Variants in ABHD2 observed in about 807,000 individuals in gnomAD.
The protein encoded by ABHD2 is monoacylglycerol lipase ABHD2.
In ABHD2, 20 loss-of-function variants were observed where a neutral mutation model predicts 48.1. That is an observed-to-expected ratio of 0.42 (90% CI 0.29 to 0.60). The LOEUF (loss-of-function observed/expected upper bound fraction) is 0.60, where lower values mean the gene tolerates loss of function less well. ABHD2 is among the 20% of genes least tolerant of loss of function. ABHD2 has a pLI of 0.24. For missense variants in ABHD2, 405 were observed against 550.9 expected (o/e 0.74, Z 2.65); for synonymous variants, 209 against 214.2 (o/e 0.98, Z 0.21).
chr15:89,081,262 C>G, the ABHD2 span, among the ~76,000 whole-genome samples: 3 of 150,146 alleles, frequency 2.0e-5, no homozygotes, highest in East Asian at 3.9e-4. Context: ...TCAAGCAATC[C>G]TCTTGCCTCT....
At chr15:89,041,710 C>T in the ABHD2 span, among the ~76,000 whole-genome samples, 3 of 152,320 alleles carry the variant, frequency 2.0e-5, no homozygotes, top group Admixed American at 1.3e-4. Flanking sequence ...ACTCTATTCC[C>T]CTGCTGGGGA....
chr15:89,154,969 A>G (rs2050647879), intron 4 of ABHD2, among the ~76,000 whole-genome samples: 1 of 152,244 alleles, frequency 6.6e-6, no homozygotes, highest in Non-Finnish European at 1.5e-5. Context: ...TCATTCATTC[A>G]TTCATATAGA....
chr15:89,151,598 A>G lies in ABHD2; in HGVS notation c.195-79A>G. The stretch of plus-strand genomic sequence containing the variant: ...ATTTCCCTGGAACAAAAATAGGTTG[A>G]AAGAGTTTTGCTAAAAGATTTTTCA... On this transcript the variant is annotated intron_variant, in intron 3 of 10. Coordinates refer to ENST00000352732, the MANE Select transcript of ABHD2 (RefSeq NM_152924.5). This position sits in a 1 kb window ranked among gnomAD's most constrained non-coding sequence, Gnocchi z 4.7. 6.7e-7 allele frequency: 1 copy of G among 1,493,024 alleles called. No homozygotes were observed. The highest frequency in any genetic ancestry group is 2.3e-5 in the East Asian group (1 of 43,918). 92.5% of individuals were successfully genotyped at this position (1,493,024 alleles called of 1,614,324 possible).
At chr15:89,123,576 CCTTT>C (rs1159161716) in intron 3 of ABHD2, among the ~76,000 whole-genome samples, 104 of 143,338 alleles carry the variant, frequency 7.3e-4, no homozygotes, top group African/African-American at 1.6e-3. Flanking sequence ...TTTTTTTTCT[CCTTT>C]CTTTCTTTCT....
intron 2 of ABHD2, among the ~76,000 whole-genome samples, chr15:89,115,356 A>C (rs2049937671): frequency 7.3e-6 from 1 of 136,780 alleles, no homozygotes; most frequent in African/African-American, 2.8e-5. Context: ...GTTTGGTTTT[A>C]TATGTTTGGA....
chr15:89,150,664 A>G (rs956230817), intron 3 of ABHD2, among the ~76,000 whole-genome samples: 5 of 152,316 alleles, frequency 3.3e-5, no homozygotes, highest in African/African-American at 1.2e-4. Flanking sequence ...GGTTTTGGGG[A>G]TCATCTGGTT....
the ABHD2 span, among the ~76,000 whole-genome samples, chr15:89,046,545 T>A: frequency 6.6e-6 from 1 of 151,960 alleles, no homozygotes; most frequent in African/African-American, 2.4e-5. Flanking sequence ...TTTTGGTTGG[T>A]AAGCTATTGA....
upstream of ABHD2, chr15:89,087,780 T>A (rs1209151566): frequency 1.3e-5 from 2 of 152,190 alleles, no homozygotes; most frequent in African/African-American, 4.8e-5. This position sits in a 1 kb window ranked among gnomAD's most constrained non-coding sequence, Gnocchi z 5.5. Context: ...GAAAGGACAG[T>A]GGGACAATAA....
chr15:89,046,481 C>T, the ABHD2 span, among the ~76,000 whole-genome samples: 2 of 151,678 alleles, frequency 1.3e-5, no homozygotes, highest in African/African-American at 4.9e-5. Flanking sequence ...GGTACCAGTT[C>T]CTCCTTGTAC....
At chr15:89,081,355 A>G in the ABHD2 span, among the ~76,000 whole-genome samples, 14 of 151,722 alleles carry the variant, frequency 9.2e-5, no homozygotes, top group Non-Finnish European at 1.5e-4. Context: ...GTATTCCATT[A>G]CTTGTACTTA....
In ABHD2 at chr15:89,100,639, G is replaced by A. The variant is rs761957611; in HGVS notation, c.-107+12076G>A. Reference sequence around the variant, plus strand: ...AATCCCAGCACTTTCGGAGGCTGAGGTGGGTGGATCACGAGGTCAGGAGTT... The same window carrying A: ...AATCCCAGCACTTTCGGAGGCTGAGATGGGTGGATCACGAGGTCAGGAGTT... On this transcript the variant is annotated intron_variant, in intron 1 of 10. Transcript: ENST00000352732. The surrounding 1 kb of genome is among the most constrained non-coding windows in gnomAD (Gnocchi z 4.4). Among the ~76,000 whole-genome samples, 1 of 152,196 alleles carries A rather than the reference G, an allele frequency of 6.6e-6. No individual in the cohort carries two copies. Among genetic ancestry groups the A allele is most frequent in the African/African-American group, 2.4e-5 (1 of 41,450 alleles).
intron 10 of ABHD2, among the ~76,000 whole-genome samples, chr15:89,194,293 G>A (rs928916798): frequency 6.6e-6 from 1 of 151,870 alleles, no homozygotes; most frequent in East Asian, 1.9e-4. Flanking sequence ...GAGGTCAGGA[G>A]TTTGAGATCA....
chr15:89,117,189 C>T (rs981667465), intron 3 of ABHD2, among the ~76,000 whole-genome samples: 3 of 152,160 alleles, frequency 2.0e-5, no homozygotes, highest in Non-Finnish European at 4.4e-5. Flanking sequence ...CCATGCCCGG[C>T]TAATTTTTGT....
chr15:89,083,079 T>A (rs1028362980), upstream of ABHD2, among the ~76,000 whole-genome samples: 4 of 152,182 alleles, frequency 2.6e-5, no homozygotes, highest in Admixed American at 2.0e-4. The surrounding 1 kb of genome is among the most constrained non-coding windows in gnomAD (Gnocchi z 5.1). Flanking sequence ...GGTCTCGAGC[T>A]CCTGACCTCA....
At chr15:89,043,582 A>G in the ABHD2 span, among the ~76,000 whole-genome samples, 1 of 143,504 alleles carries the variant, frequency 7.0e-6, no homozygotes, top group Non-Finnish European at 1.5e-5. Context: ...GAAAAGAAGA[A>G]GAGGAAGAAG....
Position 89,106,961 on chromosome 15 carries a change from T to G in ABHD2, c.-106-6764T>G, listed in dbSNP as rs1489123348. Among the ~76,000 whole-genome samples the G allele has an allele frequency of 2.0e-5, 3 of 152,332 alleles. No individual in the cohort carries two copies. In the East Asian group the frequency reaches 5.8e-4, roughly 29 times the overall value. On this transcript the variant is annotated intron_variant, in intron 1 of 10. Coordinates refer to ENST00000352732, the MANE Select transcript of ABHD2 (RefSeq NM_152924.5). The surrounding 1 kb of genome is among the most constrained non-coding windows in gnomAD (Gnocchi z 4.2). The stretch of plus-strand genomic sequence containing the variant: ...ATGGGATGGAAACAGACCATGTTTT[T>G]GGGGTGGTGTGCTGTGGCCTTCTGC...
chr15:89,150,476 G>A (rs1328027312), intron 3 of ABHD2, among the ~76,000 whole-genome samples: 1 of 152,086 alleles, frequency 6.6e-6, no homozygotes, highest in Non-Finnish European at 1.5e-5. Flanking sequence ...CACCTGTGGT[G>A]TTACGCTGGC....
In ABHD2 at chr15:89,151,902, C is replaced by G; in HGVS notation, c.370+50C>G. On this transcript the variant is annotated intron_variant, in intron 4 of 10. Transcript: ENST00000352732. The surrounding 1 kb of genome is among the most constrained non-coding windows in gnomAD (Gnocchi z 4.7). ...TGAGCCATCACTCAGAGAAGGAGCACTAGTCAGTGGAGAGCACAGCAGTGT... is the reference window on the plus strand; with the variant it reads ...TGAGCCATCACTCAGAGAAGGAGCAGTAGTCAGTGGAGAGCACAGCAGTGT... 1 of 1,594,054 alleles carries G rather than the reference C, an allele frequency of 6.3e-7. No homozygotes were observed. The highest frequency in any genetic ancestry group is 1.1e-5 in the South Asian group (1 of 87,738).
chr15:89,166,305 A>C lies in ABHD2; in HGVS notation c.539-9507A>C, dbSNP rs748454426. Among the ~76,000 whole-genome samples, 10 of 152,078 alleles carry C rather than the reference A, an allele frequency of 6.6e-5. No individual in the cohort carries two copies. The highest frequency in any genetic ancestry group is 1.2e-4 in the Non-Finnish European group (8 of 68,016). On this transcript the variant is annotated intron_variant, in intron 5 of 10. Transcript: ENST00000352732. This position sits in a 1 kb window ranked among gnomAD's most constrained non-coding sequence, Gnocchi z 4.6. The stretch of plus-strand genomic sequence containing the variant: ...CATTGAAAATGGCCTCGAATATTTA[A>C]ATTGCTTTTTTCCTGTGAGTTTAAA...
Sources: gnomAD v4.1 joint callset for allele counts (sites outside exome capture counted in the v4.1 genomes callset) on GRCh38, gnomAD v4.1.1 for gene constraint, Gnocchi (gnomAD v3.1) non-coding constraint, MANE v1.5 for transcripts, NCBI Gene and HGNC (gene_info 2026-07-23, HGNC 2026-07-21) for gene names.